The following SEMA3E variants were observed in gnomAD, a reference collection of about 807,000 sequenced individuals.
SEMA3E encodes semaphorin 3E, also known as semaphorin-3E.
Under a neutral mutation model 93.6 loss-of-function variants are expected in SEMA3E, and 49 were observed. The observed-to-expected ratio is 0.52, with a 90% CI of 0.42 to 0.66. The LOEUF is 0.66. Ranked by LOEUF, SEMA3E falls within the 30% of genes least tolerant of loss-of-function variation. The pLI, the probability that SEMA3E is intolerant of heterozygous loss-of-function variation, is 0.00. For missense variants in SEMA3E, 906 were observed against 964.8 expected (o/e 0.94, Z 0.81); for synonymous variants, 363 against 330.7 (o/e 1.10, Z -1.06).
At chr7:83,506,500 A>T (rs1790708388) in intron 1 of SEMA3E, among the ~76,000 whole-genome samples, 1 of 151,904 alleles carries the variant, frequency 6.6e-6, no homozygotes, top group South Asian at 2.1e-4. Context: ...GGATGTGAGG[A>T]TGGTTAATGG....
intron 1 of SEMA3E, among the ~76,000 whole-genome samples, chr7:83,520,586 A>T (rs1417795071): frequency 6.6e-6 from 1 of 152,116 alleles, no homozygotes; most frequent in Non-Finnish European, 1.5e-5. Flanking sequence ...CTGCAGCAGT[A>T]GAAGGTCAAA....
chr7:83,416,075 A>G lies in SEMA3E; in HGVS notation c.550+2315T>C, dbSNP rs926924562. ...AATTATTTTCACTTCCTCTCTTTTA[A>G]AGAGTTTCTGGCTCACATAGGTTAT... On this transcript the variant is annotated intron_variant, in intron 5 of 16. Coordinates refer to ENST00000643230, the MANE Select transcript of SEMA3E (RefSeq NM_012431.3). Among the ~76,000 whole-genome samples, 6 of 151,976 alleles carry G rather than the reference A, an allele frequency of 3.9e-5. No individual in the cohort carries two copies. In the East Asian group the frequency reaches 7.7e-4, roughly 20 times the overall value.
chr7:83,406,410 T>C (rs372976265), intron 7 of SEMA3E, among the ~76,000 whole-genome samples: 3 of 151,876 alleles, frequency 2.0e-5, no homozygotes, highest in African/African-American at 7.3e-5. Context: ...CTCTCAGGAA[T>C]ATAGAAACAC....
intron 4 of SEMA3E, among the ~76,000 whole-genome samples, chr7:83,454,257 CAAAAA>C (rs1157801830): frequency 6.7e-5 from 3 of 44,970 alleles, no homozygotes; most frequent in Non-Finnish European, 1.2e-4. Context: ...GACTCCGACT[CAAAAA>C]AAAAAAAAAA....
intron 4 of SEMA3E, among the ~76,000 whole-genome samples, chr7:83,419,504 C>T (rs1376249046): frequency 2.6e-5 from 4 of 152,124 alleles, no homozygotes; most frequent in Non-Finnish European, 5.9e-5. Flanking sequence ...TGAGAAATCT[C>T]TAAACTTCTT....
chr7:83,648,618 G>T lies in SEMA3E; in HGVS notation c.-76C>A, dbSNP rs1794111847. The T allele has an allele frequency of 3.8e-6, 4 of 1,063,908 alleles. No homozygotes were observed. The highest frequency in any genetic ancestry group is 5.8e-6 in the Non-Finnish European group (4 of 695,508). The allele number at this position is 1,063,908 out of a possible 1,614,324, so 65.9% of individuals were successfully genotyped here. The stretch of plus-strand genomic sequence containing the variant: ...GAGTTTTACTTAGGACTTCCCTCCA[G>T]GGGCAGCGTGCGAGAGGCTTTGTCA... On this transcript the variant is annotated 5_prime_UTR_variant, in exon 1 of 17. The change creates a new upstream start codon in the 5' untranslated region. Coordinates refer to ENST00000643230, the MANE Select transcript of SEMA3E (RefSeq NM_012431.3).
chr7:83,567,756 C>A (rs1792193647), intron 1 of SEMA3E, among the ~76,000 whole-genome samples: 1 of 151,800 alleles, frequency 6.6e-6, no homozygotes, highest in Non-Finnish European at 1.5e-5. Flanking sequence ...TAAAGCAAAA[C>A]CAGTGCTGAG....
At chr7:83,379,468 G>T (rs1340390379) in intron 16 of SEMA3E, among the ~76,000 whole-genome samples, 5 of 151,862 alleles carry the variant, frequency 3.3e-5, no homozygotes, top group Non-Finnish European at 7.4e-5. Context: ...ACTTAGAATA[G>T]CATGGCATAT....
intron 1 of SEMA3E, among the ~76,000 whole-genome samples, chr7:83,536,386 A>T (rs1791410674): frequency 6.6e-6 from 1 of 152,144 alleles, no homozygotes; most frequent in South Asian, 2.1e-4. Flanking sequence ...ACAATTTTTT[A>T]AAATAGTACA....
chr7:83,381,484 G>T (rs575109245), intron 16 of SEMA3E, among the ~76,000 whole-genome samples: 1 of 151,772 alleles, frequency 6.6e-6, no homozygotes, highest in African/African-American at 2.4e-5. Context: ...TCTTAGTGAG[G>T]CCTTCTATGG....
intron 2 of SEMA3E, among the ~76,000 whole-genome samples, chr7:83,471,491 G>A (rs962527391): frequency 6.6e-6 from 1 of 151,942 alleles, no homozygotes; most frequent in Non-Finnish European, 1.5e-5. Context: ...GTAAATGCCA[G>A]AACATATTCC....
chr7:83,426,910 CAATA>C (rs1414049187), intron 4 of SEMA3E, among the ~76,000 whole-genome samples: 3 of 151,832 alleles, frequency 2.0e-5, no homozygotes, highest in Non-Finnish European at 2.9e-5. Flanking sequence ...TTCAGACACC[CAATA>C]AATACATTAT....
At chr7:83,398,357 A>G (rs73389175) in intron 11 of SEMA3E, among the ~76,000 whole-genome samples, 3 of 152,298 alleles carry the variant, frequency 2.0e-5, no homozygotes, top group African/African-American at 7.2e-5. Flanking sequence ...AAGTAACAGA[A>G]AAAAACCGCA....
rs1365366463 is a variant in SEMA3E at position 83,648,441 on chromosome 7, G to A, written c.102C>T (p.Arg34=). Residue 34 remains arginine (R), a synonymous_variant, in exon 1 of 17, where the codon CGC becomes CGT. Transcript: ENST00000643230. The stretch of plus-strand genomic sequence containing the variant: ...AAGGTAACCTACCTTTATGTGACAG[G>A]CGTAACCGGGGGTGGGTAGTATCAG... The part of the protein sequence containing the change: ...HTADTTHPRL[R]LSHKELLNLN... 1 of 1,607,092 alleles carries A rather than the reference G, an allele frequency of 6.2e-7. No homozygotes were observed. Among genetic ancestry groups the A allele is most frequent in the South Asian group, 1.1e-5 (1 of 90,914 alleles).
At chr7:83,556,114 G>A (rs935663493) in intron 1 of SEMA3E, among the ~76,000 whole-genome samples, 2 of 152,056 alleles carry the variant, frequency 1.3e-5, no homozygotes, top group Admixed American at 1.3e-4. Flanking sequence ...TTATGAACAT[G>A]TTATACGTTT....
intron 12 of SEMA3E, among the ~76,000 whole-genome samples, chr7:83,394,812 A>C (rs977714626): frequency 6.6e-6 from 1 of 152,178 alleles, no homozygotes; most frequent in Non-Finnish European, 1.5e-5. Flanking sequence ...GGTGAATCAT[A>C]ATTAACCCAG....
chr7:83,419,722 G>C (rs1375620092), intron 4 of SEMA3E, among the ~76,000 whole-genome samples: 3 of 151,876 alleles, frequency 2.0e-5, no homozygotes, highest in Non-Finnish European at 4.4e-5. Flanking sequence ...CTTCCTGTAT[G>C]TCTTCTTTTT....
intron 1 of SEMA3E, among the ~76,000 whole-genome samples, chr7:83,533,119 C>CT (rs1791338660): frequency 6.6e-6 from 1 of 152,138 alleles, no homozygotes; most frequent in Admixed American, 6.6e-5. Context: ...CCTTCTCCTC[C>CT]ACCTGTACAA....
intron 1 of SEMA3E, among the ~76,000 whole-genome samples, chr7:83,509,486 C>T (rs1790768326): frequency 6.6e-6 from 1 of 152,138 alleles, no homozygotes; most frequent in Non-Finnish European, 1.5e-5. Context: ...TCCCAAAAGT[C>T]TAGGTAATTT....
Sources: allele counts gnomAD v4.1 joint callset (sites outside exome capture counted in the v4.1 genomes callset), GRCh38; gene constraint gnomAD v4.1.1; transcripts MANE v1.5; gene names NCBI Gene and HGNC (gene_info 2026-07-23, HGNC 2026-07-21).